The following PUM3 variants were observed in gnomAD, a reference collection of about 807,000 sequenced individuals.
The protein encoded by PUM3 is pumilio homolog 3.
A neutral mutation model predicts 84.0 loss-of-function variants in PUM3; 91 were observed. The ratio of observed to expected loss-of-function variants is 1.08; its 90% CI spans 0.91 to 1.29. The LOEUF (loss-of-function observed/expected upper bound fraction) is 1.29. PUM3 is among the 50% of genes most tolerant of loss of function. PUM3 has a pLI of 0.00. For missense variants in PUM3, 1,067 were observed against 767.5 expected (o/e 1.39, Z -4.61); for synonymous variants, 321 against 266.7 (o/e 1.20, Z -1.98).
At chr9:2,824,626 G>A in intron 11 of PUM3, 91 bp downstream of exon 11, 3 of 786,992 alleles carry the variant, frequency 3.8e-6, no homozygotes, top group Non-Finnish European at 5.3e-6. Flanking sequence ...ACCAAAGGGG[G>A]TTAAAAGTCT....
chr9:2,836,042 A>T (rs1203508890), intron 3 of PUM3, among the ~76,000 whole-genome samples: 2 of 152,142 alleles, frequency 1.3e-5, no homozygotes, highest in Non-Finnish European at 2.9e-5. Flanking sequence ...GGGGAGGAGG[A>T]AGATGAGGGA....
rs73394631 is a variant in PUM3, at chr9:2,811,624, C to T, written c.1413-41G>A. 914 of 1,483,250 alleles carry T rather than the reference C, an allele frequency of 6.2e-4. 2 individuals are homozygous for T. The African/African-American group carries it at 0.011, about 18-fold the overall frequency. The allele number at this position is 1,483,250 out of a possible 1,614,324, so 91.9% of individuals were successfully genotyped here. A position where few individuals can be genotyped will look rare whatever the true frequency, so the allele number is the denominator to read the frequency against. ...AACGGGGTATTAAGGTAAGATAAAT[C>T]GCAAAGGAAATGTGGTGATATTATC... On this transcript the variant is annotated intron_variant, in intron 14 of 17. Coordinates refer to ENST00000397885, the MANE Select transcript of PUM3 (RefSeq NM_014878.5).
chr9:2,822,846 A>T (rs891026460), intron 12 of PUM3, among the ~76,000 whole-genome samples: 3 of 151,114 alleles, frequency 2.0e-5, no homozygotes, highest in African/African-American at 7.2e-5. Context: ...TCCATATTTC[A>T]CTTTATTATA....
At position 2,837,371 on chromosome 9, in the gene PUM3, C is replaced by T. The variant is rs549907541; in HGVS notation, c.113G>A (p.Arg38Lys). ...AGGTCCACCTTCTTTAGCAACTTTC[C>T]TTGTTGGAAATGTCTTTGAAGAACC... ...DSGSSKTFPT[R>K]KVAKEGGPKV... The change falls in exon 3 of 18, where the codon AGG becomes AAG. Residue 38 changes from arginine (R) to lysine (K), a missense_variant. Physicochemically the swap from Arg to Lys is conservative, Grantham distance 26. Transcript: ENST00000397885. The T allele has an allele frequency of 5.6e-6, 9 of 1,613,166 alleles. No individual in the cohort carries two copies. In the African/African-American group the frequency reaches 1.1e-4, roughly 19 times the overall value.
Position 2,804,272 on chromosome 9 carries a change from T to G in PUM3, c.*59A>C, listed in dbSNP as rs77294014. ...TGGACCCTACCCCTTCTTTTCTGCA[T>G]TGGGAAACAGAACAGAGAACAGAAA... On this transcript the variant is annotated 3_prime_UTR_variant, in exon 18 of 18. Coordinates refer to ENST00000397885, the MANE Select transcript of PUM3 (RefSeq NM_014878.5). 1.3e-6 allele frequency: 2 copies of G among 1,566,002 alleles called. No homozygotes were observed. The highest frequency in any genetic ancestry group is 1.7e-6 in the Non-Finnish European group (2 of 1,152,816).
At chr9:2,815,215 A>G (rs1347133319) in intron 13 of PUM3, among the ~76,000 whole-genome samples, 1 of 152,228 alleles carries the variant, frequency 6.6e-6, no homozygotes, top group Non-Finnish European at 1.5e-5. Flanking sequence ...TTTCTTCAAA[A>G]TGTAGTATCA....
intron 4 of PUM3, 121 bp downstream of exon 4, chr9:2,833,910 G>A (rs749283017): frequency 1.1e-6 from 1 of 950,968 alleles, no homozygotes; most frequent in Non-Finnish European, 1.6e-6. Flanking sequence ...GGTGTCATGA[G>A]GACCCCCTCA....
At position 2,811,469 on chromosome 9, in the gene PUM3, C is replaced by T. The variant is rs768138995; in HGVS notation, c.1527G>A (p.Val509=). 1.2e-6 allele frequency: 2 copies of T among 1,614,178 alleles called. No individual in the cohort carries two copies. Among genetic ancestry groups the T allele is most frequent in the Non-Finnish European group, 8.5e-7 (1 of 1,180,030 alleles). ...CAGATCCCAGAATGTCAGACACCAACACACACGCAGACTTATCTAGCACCA... is the reference window on the plus strand; with the variant it reads ...CAGATCCCAGAATGTCAGACACCAATACACACGCAGACTTATCTAGCACCA... ...QEVVLDKSAC[V]LVSDILGSAT... is the part of the protein sequence containing the mutation. Residue 509 remains valine (V), a synonymous_variant, in exon 15 of 18, where the codon GTG becomes GTA. Coordinates refer to ENST00000397885, the MANE Select transcript of PUM3 (RefSeq NM_014878.5).
intron 9 of PUM3, among the ~76,000 whole-genome samples, chr9:2,827,721 C>G (rs1314098362): frequency 6.6e-6 from 1 of 152,160 alleles, no homozygotes; most frequent in Non-Finnish European, 1.5e-5. Flanking sequence ...CAGGTGATAC[C>G]CAAGTAGACA....
intron 15 of PUM3, among the ~76,000 whole-genome samples, chr9:2,811,160 A>C (rs1266675654): frequency 6.6e-6 from 1 of 152,208 alleles, no homozygotes; most frequent in Non-Finnish European, 1.5e-5. Context: ...CACATCTGTA[A>C]AACATTCCCA....
chr9:2,816,722 G>A (rs1024221465), intron 13 of PUM3, among the ~76,000 whole-genome samples: 2 of 152,120 alleles, frequency 1.3e-5, no homozygotes, highest in Non-Finnish European at 2.9e-5. Context: ...GCAGGTTTGT[G>A]AGCCCTGGGT....
At chr9:2,812,106 C>A (rs1821386880) in intron 14 of PUM3, 114 bp downstream of exon 14, 2 of 844,126 alleles carry the variant, frequency 2.4e-6, no homozygotes, top group Non-Finnish European at 3.9e-6. Context: ...AAATGGAATT[C>A]ACCTTTTCAG....
At chr9:2,827,792 C>G (rs1416114874) in intron 9 of PUM3, among the ~76,000 whole-genome samples, 1 of 152,190 alleles carries the variant, frequency 6.6e-6, no homozygotes, top group African/African-American at 2.4e-5. Context: ...GAACAACCAA[C>G]CCATTTAATC....
At chr9:2,833,913 C>A in intron 4 of PUM3, 118 bp downstream of exon 4, 4 of 991,584 alleles carry the variant, frequency 4.0e-6, no homozygotes, top group East Asian at 2.4e-5. Context: ...GTCATGAGGA[C>A]CCCCTCAATA....
At position 2,807,878 on chromosome 9, in the gene PUM3, G is replaced by T; in HGVS notation, c.1750C>A (p.His584Asn). ...EGCFAKTLVE[H>N]VGMKNLKSWA... is the part of the protein sequence containing the mutation. The stretch of plus-strand genomic sequence containing the variant: ...GACTTCAGGTTCTTCATACCAACAT[G>T]CTCTACAAGTGTTTTTGCAAAACAA... The change falls in exon 17 of 18, where the codon CAT becomes AAT. Residue 584 changes from histidine (H) to asparagine (N), a missense_variant. By Grantham distance (68) the His-to-Asn change is moderately conservative (BLOSUM62 1). Coordinates refer to ENST00000397885, the MANE Select transcript of PUM3 (RefSeq NM_014878.5). 6.2e-7 allele frequency: 1 copy of T among 1,613,214 alleles called. No homozygotes were observed. The highest frequency in any genetic ancestry group is 8.5e-7 in the Non-Finnish European group (1 of 1,179,534).
At chr9:2,811,157 G>A (rs570407625) in intron 15 of PUM3, among the ~76,000 whole-genome samples, 3 of 152,304 alleles carry the variant, frequency 2.0e-5, no homozygotes, top group South Asian at 2.1e-4. Flanking sequence ...ATTCACATCT[G>A]TAAAACATTC....
intron 10 of PUM3, 27 bp downstream of exon 10, chr9:2,827,046 G>A (rs1219241906): frequency 6.3e-7 from 1 of 1,581,504 alleles, no homozygotes; most frequent in Non-Finnish European, 8.6e-7. Flanking sequence ...CCATGTTTTA[G>A]TTTAAAAACA....
chr9:2,843,595 T>C (rs1457960884), intron 1 of PUM3, among the ~76,000 whole-genome samples: 1 of 146,344 alleles, frequency 6.8e-6, no homozygotes, highest in African/African-American at 2.5e-5. Context: ...TTTTTTTTTT[T>C]TGAGACGGAG....
intron 17 of PUM3, among the ~76,000 whole-genome samples, chr9:2,806,297 A>T (rs1821257170): frequency 6.6e-6 from 1 of 152,258 alleles, no homozygotes; most frequent in Admixed American, 6.5e-5. Flanking sequence ...ACTGTTTAAC[A>T]TCAACTGGAA....
Sources: gnomAD v4.1 joint callset for allele counts (sites outside exome capture counted in the v4.1 genomes callset) on GRCh38, gnomAD v4.1.1 for gene constraint, MANE v1.5 for transcripts, NCBI Gene and HGNC (gene_info 2026-07-23, HGNC 2026-07-21) for gene names.